SMARCAD1: variants seen among roughly 807,000 people sequenced by gnomAD.
The protein encoded by SMARCAD1 is SWI/SNF-related matrix-associated actin-dependent regulator of chromatin subfamily A containing DEAD/H box 1.
SMARCAD1 carries 25 observed loss-of-function variants against 127.1 expected under a neutral mutation model. The ratio of observed to expected loss-of-function variants is 0.20; its 90% CI spans 0.14 to 0.27. The LOEUF is 0.27. SMARCAD1 is among the 10% of genes least tolerant of loss of function. The pLI, the probability that SMARCAD1 is intolerant of heterozygous loss-of-function variation, is 1.00. For missense variants in SMARCAD1, 807 were observed against 1,206.0 expected (o/e 0.67, Z 4.90); for synonymous variants, 400 against 396.9 (o/e 1.01, Z -0.09).
At chr4:94,220,696 A>G (rs1158588487) in intron 2 of SMARCAD1, among the ~76,000 whole-genome samples, 1 of 152,234 alleles carries the variant, frequency 6.6e-6, no homozygotes, top group East Asian at 1.9e-4. Flanking sequence ...TCATGGTGCA[A>G]AAGCAATCAT....
chr4:94,254,367 G>A (rs958872496), intron 9 of SMARCAD1, among the ~76,000 whole-genome samples: 1 of 152,050 alleles, frequency 6.6e-6, no homozygotes, highest in African/African-American at 2.4e-5. Flanking sequence ...GCTCAGGCTT[G>A]TTGAGATTCT....
In SMARCAD1 at chr4:94,224,756, CTTTCTCCTATATGACT is replaced by C. The variant is rs558265486; in HGVS notation, c.191-1360_191-1345del. Among the ~76,000 whole-genome samples the C allele has an allele frequency of 2.6e-5, 4 of 152,250 alleles. No homozygotes were observed. The East Asian group carries it at 7.7e-4, about 29-fold the overall frequency. On this transcript the variant is annotated intron_variant, in intron 2 of 23. Transcript: ENST00000354268. ...CTTTTGGACTTGGATTTCAGATCTACTTTCTCCTATATGACTTTGGGCAAGTTGCTTTTTCTCTCAG... is the reference window on the plus strand; with the variant it reads ...CTTTTGGACTTGGATTTCAGATCTACTTGGGCAAGTTGCTTTTTCTCTCAG...
At chr4:94,237,581 C>T (rs534612974) in intron 5 of SMARCAD1, among the ~76,000 whole-genome samples, 1 of 151,784 alleles carries the variant, frequency 6.6e-6, no homozygotes, top group Non-Finnish European at 1.5e-5. Flanking sequence ...CTTCATTAAC[C>T]ACCCTTAAAT....
chr4:94,211,142 C>A (rs1005637508), intron 2 of SMARCAD1, among the ~76,000 whole-genome samples: 51 of 152,010 alleles, frequency 3.4e-4, no homozygotes, highest in African/African-American at 8.9e-4. Context: ...CATGGTGGTA[C>A]ATGCCTGTAA....
rs1328191706 is a variant in SMARCAD1 at position 94,285,083 on chromosome 4, A to G, written c.3019+14A>G. 6.6e-7 allele frequency: 1 copy of G among 1,507,634 alleles called. No individual in the cohort carries two copies. The highest frequency in any genetic ancestry group is 1.1e-5 in the South Asian group (1 of 88,032). The allele number at this position is 1,507,634 out of a possible 1,614,324, so 93.4% of individuals were successfully genotyped here. A position where few individuals can be genotyped will look rare whatever the true frequency, so the allele number is the denominator to read the frequency against. ...CAGTAGATGAAGGTGAGTTGTTTGT[A>G]AGCAGAAACTTCAATATTTATCTAT... On this transcript the variant is annotated intron_variant, in intron 23 of 23. Transcript: ENST00000354268.
intron 10 of SMARCAD1, 144 bp from the exon 11 acceptor site, chr4:94,270,584 T>C (rs1335208372): frequency 1.6e-6 from 1 of 642,522 alleles, no homozygotes; most frequent in Non-Finnish European, 2.8e-6. Flanking sequence ...TGGGTTCATT[T>C]TTTTTAAGTA....
At chr4:94,273,562 GTATT>G in intron 11 of SMARCAD1, 51 bp from the exon 12 acceptor site, 1 of 1,245,984 alleles carries the variant, frequency 8.0e-7, no homozygotes, top group Non-Finnish European at 1.2e-6. Flanking sequence ...GTATTTTTAT[GTATT>G]TATTTTTTGT....
chr4:94,261,105 GA>G (rs1750908296), intron 9 of SMARCAD1, among the ~76,000 whole-genome samples: 1 of 150,374 alleles, frequency 6.7e-6, no homozygotes, highest in South Asian at 2.1e-4. Context: ...CACAGCTTTT[GA>G]AAATATTTGA....
rs757705893 is a variant in SMARCAD1, at chr4:94,278,994, C to T, written c.2362C>T (p.His788Tyr). The change falls in exon 19 of 24, where the codon CAT becomes TAT. Residue 788 changes from histidine (H) to tyrosine (Y), a missense_variant. His to Tyr is a moderately conservative substitution (Grantham distance 83). Coordinates refer to ENST00000354268, the MANE Select transcript of SMARCAD1 (RefSeq NM_020159.5). ...GAAAATGGCCAATCATCCTTTATTA[C>T]ATCGCCAATATTACACAGCTGAAAA... Reference protein sequence around the residue: ...LRKMANHPLLHRQYYTAEKLK... With the variant: ...LRKMANHPLLYRQYYTAEKLK... 1 of 1,614,036 alleles carries T rather than the reference C, an allele frequency of 6.2e-7. No individual in the cohort carries two copies. Among genetic ancestry groups the T allele is most frequent in the Non-Finnish European group, 8.5e-7 (1 of 1,179,996 alleles).
intron 9 of SMARCAD1, among the ~76,000 whole-genome samples, chr4:94,261,224 C>CT (rs1750928652): frequency 6.6e-6 from 1 of 151,422 alleles, no homozygotes; most frequent in South Asian, 2.1e-4. Context: ...TTAGTATAAT[C>CT]TAACATTGGT....
intron 2 of SMARCAD1, among the ~76,000 whole-genome samples, chr4:94,210,556 A>G (rs1742042189): frequency 6.6e-6 from 1 of 152,196 alleles, no homozygotes; most frequent in Non-Finnish European, 1.5e-5. Context: ...GAGCTTAATG[A>G]TAGCGGTAGA....
rs547799681 is a variant in SMARCAD1 at position 94,282,592 on chromosome 4, G to A, written c.2727-529G>A. Among the ~76,000 whole-genome samples the A allele has an allele frequency of 5.2e-4, 79 of 152,096 alleles. 1 individual carries two copies. In the South Asian group the frequency reaches 0.011, roughly 21 times the overall value. Reference sequence around the variant, plus strand: ...GTAAAGAAGGGATTGTCTTAATAAGGACGGAATTGTGTAGTATGTTTAAAT... The same window carrying A: ...GTAAAGAAGGGATTGTCTTAATAAGAACGGAATTGTGTAGTATGTTTAAAT... On this transcript the variant is annotated intron_variant, in intron 21 of 23. Coordinates refer to ENST00000354268, the MANE Select transcript of SMARCAD1 (RefSeq NM_020159.5).
chr4:94,237,294 TTTA>T (rs1390364244), intron 5 of SMARCAD1, among the ~76,000 whole-genome samples: 1 of 152,146 alleles, frequency 6.6e-6, no homozygotes, highest in Non-Finnish European at 1.5e-5. Context: ...GCATTGTGGT[TTTA>T]TTATAGGTTT....
chr4:94,208,295 T>G, intron 1 of SMARCAD1, 51 bp from the exon 2 acceptor site: 1 of 1,233,072 alleles, frequency 8.1e-7, no homozygotes, highest in Non-Finnish European at 1.2e-6. Context: ...TGGCATTGTA[T>G]CGTATATTGT....
chr4:94,278,813 T>G (rs966506125), intron 18 of SMARCAD1, 80 bp downstream of exon 18: 55 of 1,598,386 alleles, frequency 3.4e-5, no homozygotes, highest in Non-Finnish European at 3.9e-5. Context: ...ATAATGGGAT[T>G]TGTGCATTTT....
At chr4:94,270,688 A>AAT (rs1222868472) in intron 10 of SMARCAD1, 40 bp from the exon 11 acceptor site, 1 of 1,534,348 alleles carries the variant, frequency 6.5e-7, no homozygotes, top group Non-Finnish European at 9.0e-7. Flanking sequence ...AACTGATAGA[A>AAT]ATATAGATGT....
chr4:94,244,841 T>G (rs1309280954), intron 6 of SMARCAD1, among the ~76,000 whole-genome samples: 1 of 152,150 alleles, frequency 6.6e-6, no homozygotes, highest in Non-Finnish European at 1.5e-5. Flanking sequence ...CTATGTCACA[T>G]TCTTCCTTTT....
intron 3 of SMARCAD1, among the ~76,000 whole-genome samples, chr4:94,228,354 A>G (rs1019358438): frequency 2.6e-5 from 4 of 152,192 alleles, no homozygotes; most frequent in Admixed American, 6.5e-5. Flanking sequence ...AGCAATTACA[A>G]TAACTACTGA....
chr4:94,220,103 G>C (rs1300031205), intron 2 of SMARCAD1, among the ~76,000 whole-genome samples: 1 of 152,098 alleles, frequency 6.6e-6, no homozygotes, highest in Non-Finnish European at 1.5e-5. Context: ...TATCTTTTTA[G>C]CCATTGGCTG....
Sources: allele counts gnomAD v4.1 joint callset (sites outside exome capture counted in the v4.1 genomes callset), GRCh38; gene constraint gnomAD v4.1.1; transcripts MANE v1.5; gene names NCBI Gene and HGNC (gene_info 2026-07-23, HGNC 2026-07-21).